PPFIA4: variants seen among roughly 807,000 people sequenced by gnomAD.
The protein encoded by PPFIA4 is PPFI scaffold protein A4, also known as liprin-alpha-4.
Under a neutral mutation model 145.7 loss-of-function variants are expected in PPFIA4, and 98 were observed. The observed-to-expected ratio is 0.67, with a 90% CI of 0.57 to 0.80. PPFIA4 has a LOEUF of 0.80. Ranked by LOEUF, PPFIA4 falls within the 30% of genes least tolerant of loss-of-function variation. The probability of loss-of-function intolerance (pLI) is 0.00; values close to 1 mark genes in which losing one functional copy is unlikely to be tolerated. For synonymous variants in PPFIA4, 628 were observed against 649.6 expected (o/e 0.97, Z 0.51); for missense variants, 1,457 against 1,632.7 (o/e 0.89, Z 1.85).
chr1:203,059,222 C>G lies in PPFIA4; in HGVS notation c.2452C>G (p.Pro818Ala), dbSNP rs764892662. The change falls in exon 20 of 30, where the codon CCT becomes GCT. Residue 818 changes from proline (P) to alanine (A), a missense_variant. This residue lies in a region of PPFIA4 where 848 missense variants were observed against 1,046.7 expected (regional missense o/e 0.81). Coordinates refer to ENST00000295706, the MANE Select transcript of PPFIA4 (RefSeq NM_001304331.2). ...SEFSMQEPMV[P>A]AKLGTQAEKD... ...ATTCAGTATGCAGGAGCCTATGGTG[C>G]CTGCCAAGCTGGGGACCCAGGCAGA... 1.3e-6 allele frequency: 2 copies of G among 1,557,648 alleles called. No homozygotes were observed. Among genetic ancestry groups the G allele is most frequent in the Admixed American group, 3.7e-5 (2 of 54,242 alleles).
chr1:203,031,348 G>A (rs1389792371), intron 1 of PPFIA4, among the ~76,000 whole-genome samples: 3 of 152,234 alleles, frequency 2.0e-5, no homozygotes, highest in Non-Finnish European at 4.4e-5. Flanking sequence ...GCTTATGCCC[G>A]AGGCATGAAC....
Position 203,060,807 on chromosome 1 carries a change from C to T in PPFIA4, c.2785-163C>T, listed in dbSNP as rs1472466373. On this transcript the variant is annotated intron_variant, in intron 22 of 29. Coordinates refer to ENST00000295706, the MANE Select transcript of PPFIA4 (RefSeq NM_001304331.2). This position sits in a 1 kb window ranked among gnomAD's most constrained non-coding sequence, Gnocchi z 4.8. ...AGAATGCGGACTGCTCTGTGGGCCCCTGGGGTGGAGTCTTTCATTGTCGGC... is the reference window on the plus strand; with the variant it reads ...AGAATGCGGACTGCTCTGTGGGCCCTTGGGGTGGAGTCTTTCATTGTCGGC... Among the ~76,000 whole-genome samples the T allele has an allele frequency of 6.6e-6, 1 of 152,212 alleles. No homozygotes were observed.
At position 203,056,168 on chromosome 1, in the gene PPFIA4, T is replaced by G. The variant is rs1660928842; in HGVS notation, c.2106+13T>G. 1 of 1,613,848 alleles carries G rather than the reference T, an allele frequency of 6.2e-7. No homozygotes were observed. ...GAGGAAGCTGCTGGTGAGTGCTGCC[T>G]GATGGCCCAGGTACTAACGGGTTCA... On this transcript the variant is annotated intron_variant, in intron 17 of 29. Coordinates refer to ENST00000295706, the MANE Select transcript of PPFIA4 (RefSeq NM_001304331.2).
Position 203,044,764 on chromosome 1 carries a change from G to A in PPFIA4, c.645G>A (p.Leu215=), listed in dbSNP as rs1659948558. The A allele has an allele frequency of 1.9e-6, 3 of 1,565,074 alleles. No homozygotes were observed. Among genetic ancestry groups the A allele is most frequent in the Admixed American group, 1.9e-5 (1 of 52,364 alleles). Reference sequence around the variant, plus strand: ...CAGAAGAGGAGGGGACTGTGGAGCTGGGGCCGAAACGCCTGTGGAAGGTAG... The same window carrying A: ...CAGAAGAGGAGGGGACTGTGGAGCTAGGGCCGAAACGCCTGTGGAAGGTAG... ...GAAEEEGTVE[L]GPKRLWKEDT... Residue 215 remains leucine (L), a synonymous_variant, in exon 6 of 30, where the codon CTG becomes CTA. Coordinates refer to ENST00000295706, the MANE Select transcript of PPFIA4 (RefSeq NM_001304331.2).
At chr1:203,073,858 A>T (rs1437432531) in intron 28 of PPFIA4, among the ~76,000 whole-genome samples, 3 of 152,144 alleles carry the variant, frequency 2.0e-5, no homozygotes, top group African/African-American at 4.8e-5. Flanking sequence ...GAGCAGGATC[A>T]TGGGGAGGAC....
chr1:203,039,304 A>C, intron 2 of PPFIA4, 62 bp downstream of exon 2: 1 of 1,254,490 alleles, frequency 8.0e-7, no homozygotes, highest in Non-Finnish European at 1.1e-6. Flanking sequence ...TGCTAGATCC[A>C]CTGGGCCCTC....
chr1:203,035,562 G>A (rs1659183572), intron 1 of PPFIA4: 2 of 456,712 alleles, frequency 4.4e-6, no homozygotes, highest in Non-Finnish European at 8.8e-6. Context: ...TTCACAGCCT[G>A]CCCACACTCC....
chr1:203,075,799 G>A lies in PPFIA4; in HGVS notation c.3574+42G>A, dbSNP rs1335954378. On this transcript the variant is annotated intron_variant, in intron 29 of 29. Transcript: ENST00000295706. This position sits in a 1 kb window ranked among gnomAD's most constrained non-coding sequence, Gnocchi z 4.1. ...CTGGGCATGGCCGAGGCCCAGCCGAGCGCGGGCTTCTTCCTGGCACCCCAG... is the reference window on the plus strand; with the variant it reads ...CTGGGCATGGCCGAGGCCCAGCCGAACGCGGGCTTCTTCCTGGCACCCCAG... 3.0e-6 allele frequency: 4 copies of A among 1,347,258 alleles called. No homozygotes were observed. Among genetic ancestry groups the A allele is most frequent in the Admixed American group, 7.9e-5 (2 of 25,432 alleles). 83.5% of individuals were successfully genotyped at this position (1,347,258 alleles called of 1,614,324 possible).
chr1:203,060,207 G>A lies in PPFIA4; in HGVS notation c.2584-10G>A. The A allele has an allele frequency of 6.2e-7, 1 of 1,613,336 alleles. No homozygotes were observed. The highest frequency in any genetic ancestry group is 8.5e-7 in the Non-Finnish European group (1 of 1,179,760). On this transcript the variant is annotated splice_polypyrimidine_tract_variant and intron_variant, in intron 21 of 29. Coordinates refer to ENST00000295706, the MANE Select transcript of PPFIA4 (RefSeq NM_001304331.2). The surrounding 1 kb of genome is among the most constrained non-coding windows in gnomAD (Gnocchi z 4.8). ...GCCTTGAATTACCTCCCTGTGCCCG[G>A]TGTCTGCAGCTCTGGGTGGGGATGC...
Position 203,053,901 on chromosome 1 carries a change from A to T in PPFIA4, c.1769A>T (p.Asp590Val). The T allele has an allele frequency of 6.4e-7, 1 of 1,566,524 alleles. No homozygotes were observed. The highest frequency in any genetic ancestry group is 2.4e-5 in the East Asian group (1 of 42,134). The change falls in exon 15 of 30, where the codon GAT becomes GTT. Residue 590 changes from aspartate (D) to valine (V), a missense_variant. Transcript: ENST00000295706. The part of the protein sequence containing the change: ...ADVVSPSGHS[D>V]AQTLAMMLQE... The stretch of plus-strand genomic sequence containing the variant: ...GTTGTCTCCCCCAGCGGCCACTCAG[A>T]TGCCCAGACCCTGGCCATGATGCTG...
chr1:203,056,196 G>A, intron 17 of PPFIA4, 41 bp downstream of exon 17: 2 of 1,613,332 alleles, frequency 1.2e-6, no homozygotes, highest in Non-Finnish European at 1.7e-6. Context: ...CGGGTTCACT[G>A]CTCCCATGCC....
intron 2 of PPFIA4, among the ~76,000 whole-genome samples, chr1:203,042,171 A>C (rs1038674728): frequency 6.6e-6 from 1 of 152,136 alleles, no homozygotes; most frequent in African/African-American, 2.4e-5. Flanking sequence ...TTGGACATCC[A>C]CAGAGTTGGG....
chr1:203,040,352 C>T (rs7537887), intron 2 of PPFIA4, among the ~76,000 whole-genome samples: 102 of 152,312 alleles, frequency 6.7e-4, no homozygotes, highest in African/African-American at 2.3e-3. Flanking sequence ...CCTGAGGAGC[C>T]GAAGAGCTCA....
At chr1:203,045,299 C>T in intron 6 of PPFIA4, 69 bp from the exon 7 acceptor site, 1 of 1,388,230 alleles carries the variant, frequency 7.2e-7, no homozygotes, top group Non-Finnish European at 9.7e-7. Flanking sequence ...CCTTCCACCC[C>T]TGGGATAGGG....
chr1:203,061,555 G>A lies in PPFIA4; in HGVS notation c.2848-97G>A, dbSNP rs965656447. 7.9e-6 allele frequency: 10 copies of A among 1,259,554 alleles called. No homozygotes were observed. The African/African-American group carries it at 1.5e-4, about 19-fold the overall frequency. The allele number at this position is 1,259,554 out of a possible 1,614,324, so 78.0% of individuals were successfully genotyped here. On this transcript the variant is annotated intron_variant, in intron 23 of 29. Transcript: ENST00000295706. ...CCCCAGTCACCCAGCCAGATACTGG[G>A]ATGTCTTTTTCCTCTCCTTGATGGG... is the stretch of plus-strand genomic sequence containing the variant.
intron 1 of PPFIA4, among the ~76,000 whole-genome samples, chr1:203,029,864 G>A (rs539000667): frequency 6.6e-6 from 1 of 152,320 alleles, no homozygotes; most frequent in East Asian, 1.9e-4. Flanking sequence ...TCTATATTAT[G>A]TAAATAGATA....
intron 19 of PPFIA4, among the ~76,000 whole-genome samples, chr1:203,058,706 C>T (rs1661147766): frequency 6.6e-6 from 1 of 152,110 alleles, no homozygotes; most frequent in African/African-American, 2.4e-5. Context: ...CTGCATGTTC[C>T]CCTTTGTGGT....
chr1:203,053,298 T>C (rs12752641), intron 14 of PPFIA4, among the ~76,000 whole-genome samples: 36,518 of 151,482 alleles, frequency 0.24, 4,508 homozygotes, highest in Middle Eastern at 0.29. Context: ...TTTGGGAGGC[T>C]GAGGTGGGTG....
chr1:203,063,858 T>C lies in PPFIA4; in HGVS notation c.2905T>C (p.Trp969Arg). 14 of 1,613,716 alleles carry C rather than the reference T, an allele frequency of 8.7e-6. No homozygotes were observed. Among genetic ancestry groups the C allele is most frequent in the Non-Finnish European group, 1.2e-5 (14 of 1,179,826 alleles). Residue 969 changes from tryptophan (W) to arginine (R), a missense_variant, in exon 25 of 30, where the codon TGG becomes CGG. Physicochemically the swap from Trp to Arg is moderately radical, Grantham distance 101. This residue lies in a region of PPFIA4 where 848 missense variants were observed against 1,046.7 expected (regional missense o/e 0.81). Coordinates refer to ENST00000295706, the MANE Select transcript of PPFIA4 (RefSeq NM_001304331.2). ...TLAYGDMNHE[W>R]IGNEWLPSLG... is the part of the protein sequence containing the mutation. ...GGCCTATGGGGACATGAACCATGAG[T>C]GGATTGGGAATGAATGGCTACCCAG...
Sources: gnomAD v4.1 joint callset for allele counts (sites outside exome capture counted in the v4.1 genomes callset) on GRCh38, gnomAD v4.1.1 for gene constraint, gnomAD v4.1.1 regional missense constraint, Gnocchi (gnomAD v3.1) non-coding constraint, MANE v1.5 for transcripts, NCBI Gene and HGNC (gene_info 2026-07-23, HGNC 2026-07-21) for gene names.